Variants in DLGAP4 observed in about 807,000 individuals in gnomAD.
DLGAP4 encodes the protein disks large-associated protein 4.
DLGAP4 carries 18 observed loss-of-function variants against 86.9 expected under a neutral mutation model. The ratio of observed to expected loss-of-function variants is 0.21; its 90% CI spans 0.14 to 0.31. The LOEUF (loss-of-function observed/expected upper bound fraction) is 0.31. DLGAP4 is among the 10% of genes least tolerant of loss of function. The pLI is 1.00. For synonymous variants in DLGAP4, 548 were observed against 574.3 expected (o/e 0.95, Z 0.65); for missense variants, 1,085 against 1,362.6 (o/e 0.80, Z 3.21).
chr20:36,331,510 C>T (rs1273652621), intron 1 of DLGAP4, among the ~76,000 whole-genome samples: 8 of 152,208 alleles, frequency 5.3e-5, no homozygotes, highest in African/African-American at 1.9e-4. Context: ...GGGCTGCTGG[C>T]CCCCTGCCGA....
At chr20:36,407,763 A>C (rs545127318) in intron 2 of DLGAP4, among the ~76,000 whole-genome samples, 2 of 152,200 alleles carry the variant, frequency 1.3e-5, no homozygotes, top group East Asian at 3.9e-4. Flanking sequence ...AAGGCAGAGG[A>C]AACACACAAA....
At chr20:36,313,821 G>A (rs1375009999) in intron 1 of DLGAP4, among the ~76,000 whole-genome samples, 2 of 152,162 alleles carry the variant, frequency 1.3e-5, no homozygotes, top group East Asian at 1.9e-4. Flanking sequence ...AGGTGAGAAG[G>A]TAGACCCCAG....
chr20:36,436,643 C>T (rs1036810566), intron 4 of DLGAP4, among the ~76,000 whole-genome samples: 2 of 152,148 alleles, frequency 1.3e-5, no homozygotes, highest in African/African-American at 4.8e-5. Flanking sequence ...ATGGGGAAAC[C>T]CCGTCTCTAT....
chr20:36,351,961 C>T (rs1333394691), intron 1 of DLGAP4, among the ~76,000 whole-genome samples: 3 of 152,096 alleles, frequency 2.0e-5, no homozygotes, highest in African/African-American at 7.2e-5. Flanking sequence ...AGAGGCAAAA[C>T]GACCAGGACA....
rs1410091853 is a variant in DLGAP4, at chr20:36,387,857, T to A, written c.-73+20582T>A. On this transcript the variant is annotated intron_variant, in intron 2 of 12. Transcript: ENST00000339266. ...ACTCTGTTCTGTTTCATTGATCTCT[T>A]TGTCTATCTCTTTGTCTATTTCGGT... is the stretch of plus-strand genomic sequence containing the variant. Among the ~76,000 whole-genome samples the A allele has an allele frequency of 2.0e-5, 3 of 152,230 alleles. No individual in the cohort carries two copies. In the East Asian group the frequency reaches 5.8e-4, roughly 29 times the overall value.
At position 36,431,748 on chromosome 20, in the gene DLGAP4, C is replaced by T; in HGVS notation, c.31C>T (p.His11Tyr). The T allele has an allele frequency of 6.2e-7, 1 of 1,604,010 alleles. No homozygotes were observed. The highest frequency in any genetic ancestry group is 1.1e-5 in the South Asian group (1 of 90,554). The change falls in exon 3 of 13, where the codon CAC (histidine) becomes TAC (tyrosine). Residue 11 changes from histidine (H) to tyrosine (Y), a missense_variant. This residue lies in a region of DLGAP4 where 1,082 missense variants were observed against 1,344.1 expected (regional missense o/e 0.81). Coordinates refer to ENST00000339266, the MANE Select transcript of DLGAP4 (RefSeq NM_001365621.2). The surrounding 1 kb of genome is among the most constrained non-coding windows in gnomAD (Gnocchi z 5.1). Reference protein sequence around the residue: MKGLGDSRPRHLSDSLDPPHE... With the variant: MKGLGDSRPRYLSDSLDPPHE... The stretch of plus-strand genomic sequence containing the variant: ...AGGCCTCGGTGACAGCCGCCCCCGC[C>T]ACCTCTCCGACAGCCTAGACCCACC...
intron 2 of DLGAP4, among the ~76,000 whole-genome samples, chr20:36,409,386 ATTTT>A (rs1279865047): frequency 6.9e-6 from 1 of 144,954 alleles, no homozygotes; most frequent in Non-Finnish European, 1.5e-5. Context: ...AATAAAAAAA[ATTTT>A]TTTAAGACTT....
intron 6 of DLGAP4, among the ~76,000 whole-genome samples, chr20:36,444,802 G>A (rs1005327741): frequency 1.3e-5 from 2 of 151,604 alleles, no homozygotes; most frequent in African/African-American, 4.8e-5. Context: ...CACCACGCTC[G>A]GCCAATTTTG....
intron 1 of DLGAP4, among the ~76,000 whole-genome samples, chr20:36,356,684 A>AG (rs1320691140): frequency 1.3e-5 from 2 of 152,062 alleles, no homozygotes; most frequent in African/African-American, 4.8e-5. Flanking sequence ...GTAAAAAAAA[A>AG]AAAAAAAAAG....
intron 2 of DLGAP4, among the ~76,000 whole-genome samples, chr20:36,374,311 T>G (rs1256006973): frequency 1.3e-5 from 2 of 151,804 alleles, no homozygotes; most frequent in Non-Finnish European, 2.9e-5. Flanking sequence ...GCTGTGGGAA[T>G]GAAAAGGCCA....
chr20:36,395,331 G>T (rs186419099), intron 2 of DLGAP4, among the ~76,000 whole-genome samples: 2 of 152,214 alleles, frequency 1.3e-5, no homozygotes, highest in East Asian at 1.9e-4. Context: ...CTCTATGGGG[G>T]CAAGGACTGT....
intron 2 of DLGAP4, among the ~76,000 whole-genome samples, chr20:36,391,298 C>T (rs962021138): frequency 6.6e-6 from 1 of 152,206 alleles, no homozygotes; most frequent in East Asian, 1.9e-4. Flanking sequence ...AAAGCTCTCC[C>T]GCCCCTTCTC....
intron 7 of DLGAP4, among the ~76,000 whole-genome samples, chr20:36,470,977 T>C (rs2034635970): frequency 6.6e-6 from 1 of 152,240 alleles, no homozygotes; most frequent in Non-Finnish European, 1.5e-5. Flanking sequence ...CATGTGTAGC[T>C]GTCGGAGCCA....
chr20:36,476,802 G>A (rs1435376937), intron 7 of DLGAP4, among the ~76,000 whole-genome samples: 1 of 144,486 alleles, frequency 6.9e-6, no homozygotes, highest in Non-Finnish European at 1.5e-5. Context: ...CCGCCTCCCA[G>A]GTTCAAGCAA....
intron 1 of DLGAP4, among the ~76,000 whole-genome samples, chr20:36,314,145 G>T (rs1297095257): frequency 6.6e-6 from 1 of 151,896 alleles, no homozygotes; most frequent in African/African-American, 2.4e-5. Context: ...GGGAGCAGAA[G>T]CGCGTGCAGA....
intron 10 of DLGAP4, among the ~76,000 whole-genome samples, chr20:36,513,494 G>A: frequency 6.8e-6 from 1 of 146,016 alleles, no homozygotes; most frequent in East Asian, 2.0e-4. Context: ...CTTGCAGTGA[G>A]CCGAGATTGC....
intron 1 of DLGAP4, among the ~76,000 whole-genome samples, chr20:36,346,749 C>G (rs921614039): frequency 2.6e-5 from 4 of 152,074 alleles, no homozygotes; most frequent in Non-Finnish European, 5.9e-5. Context: ...AATTTCTACT[C>G]TTCCCCTCTA....
intron 2 of DLGAP4, among the ~76,000 whole-genome samples, chr20:36,379,304 A>G (rs1049398875): frequency 6.6e-6 from 1 of 152,180 alleles, no homozygotes; most frequent in Non-Finnish European, 1.5e-5. Flanking sequence ...GAGAAAGACT[A>G]TTCTGGTGGT....
At chr20:36,436,011 T>A (rs1171063182) in intron 3 of DLGAP4, 98 bp from the exon 4 acceptor site, 1 of 1,421,076 alleles carries the variant, frequency 7.0e-7, no homozygotes, top group Non-Finnish European at 9.2e-7. Flanking sequence ...GCCCGAATTC[T>A]GCAGGGAACG....
Sources: allele counts gnomAD v4.1 joint callset (sites outside exome capture counted in the v4.1 genomes callset), GRCh38; gene constraint gnomAD v4.1.1; regional missense constraint gnomAD v4.1.1; non-coding constraint Gnocchi (gnomAD v3.1); transcripts MANE v1.5; gene names NCBI Gene and HGNC (gene_info 2026-07-23, HGNC 2026-07-21).